The following GALNT11 variants were observed in gnomAD, a reference collection of about 807,000 sequenced individuals.
GALNT11 encodes UDP-GalNAc:polypeptide N-acetylgalactosaminyltransferase 11.
Under a neutral mutation model 72.7 loss-of-function variants are expected in GALNT11, and 47 were observed. That is an observed-to-expected ratio of 0.65 (90% CI 0.51 to 0.82). GALNT11 has a LOEUF of 0.82. Ranked by LOEUF, GALNT11 falls within the 40% of genes least tolerant of loss-of-function variation. The pLI is 0.00. For synonymous variants in GALNT11, 270 were observed against 286.6 expected (o/e 0.94, Z 0.58); for missense variants, 677 against 778.4 (o/e 0.87, Z 1.55).
At chr7:152,075,141 A>T (rs2084881349) in intron 1 of GALNT11, 1 of 152,262 alleles carries the variant, frequency 6.6e-6, no homozygotes, top group Admixed American at 6.5e-5. Flanking sequence ...CACACCGAGC[A>T]TCCAGCACCA....
intron 7 of GALNT11, 45 bp from the exon 8 acceptor site, chr7:152,113,201 A>G (rs1448607900): frequency 6.5e-7 from 1 of 1,544,626 alleles, no homozygotes; most frequent in Non-Finnish European, 8.7e-7. Flanking sequence ...TTGGTTTCAC[A>G]ACAACATGAG....
chr7:152,103,887 T>G (rs1489153498), intron 4 of GALNT11: 1 of 152,916 alleles, frequency 6.5e-6, no homozygotes, highest in Non-Finnish European at 1.5e-5. Flanking sequence ...GAGATGGGCT[T>G]TTTTCATTTG....
chr7:152,114,974 T>C (rs1022816357), intron 8 of GALNT11, among the ~76,000 whole-genome samples: 1 of 152,204 alleles, frequency 6.6e-6, no homozygotes, highest in Non-Finnish European at 1.5e-5. Context: ...AACAGAGACA[T>C]GTAGCTTGTG....
chr7:152,088,442 C>G (rs1226133170), intron 1 of GALNT11, among the ~76,000 whole-genome samples: 1 of 150,610 alleles, frequency 6.6e-6, no homozygotes, highest in Non-Finnish European at 1.5e-5. Flanking sequence ...AATATTGGAC[C>G]AACTTTGAGT....
At chr7:152,059,376 A>T (rs2083876580) in intron 1 of GALNT11, among the ~76,000 whole-genome samples, 1 of 152,024 alleles carries the variant, frequency 6.6e-6, no homozygotes. Flanking sequence ...AGTTGGGATT[A>T]CAGGCATGAG....
At chr7:152,099,846 C>G (rs1347174631) in intron 2 of GALNT11, among the ~76,000 whole-genome samples, 2 of 145,024 alleles carry the variant, frequency 1.4e-5, no homozygotes, top group Admixed American at 7.1e-5. Flanking sequence ...CTCACTGCAA[C>G]CTTGATGTCC....
chr7:152,067,531 T>A (rs2084380113), intron 1 of GALNT11, among the ~76,000 whole-genome samples: 1 of 152,236 alleles, frequency 6.6e-6, no homozygotes, highest in South Asian at 2.1e-4. Flanking sequence ...CTACGGCTAT[T>A]ACGAGCTCTT....
rs191771139 is a variant in GALNT11 at position 152,117,092 on chromosome 7, T to C, written c.1234-65T>C. 4.6e-5 allele frequency: 63 copies of C among 1,383,608 alleles called. No individual in the cohort carries two copies. In the African/African-American group the frequency reaches 7.9e-4, roughly 17 times the overall value. The allele number at this position is 1,383,608 out of a possible 1,614,324, so 85.7% of individuals were successfully genotyped here. A position where few individuals can be genotyped will look rare whatever the true frequency, so the allele number is the denominator to read the frequency against. On this transcript the variant is annotated intron_variant, in intron 8 of 11. Coordinates refer to ENST00000430044, the MANE Select transcript of GALNT11 (RefSeq NM_022087.4). ...GACTTAATCGTGTAAAAAATCTCTATATAGTTGTATCATCATTTTTAACAA... is the reference window on the plus strand; with the variant it reads ...GACTTAATCGTGTAAAAAATCTCTACATAGTTGTATCATCATTTTTAACAA...
chr7:152,030,009 T>C (rs932932703), intron 1 of GALNT11, among the ~76,000 whole-genome samples: 2 of 152,372 alleles, frequency 1.3e-5, no homozygotes, highest in South Asian at 2.1e-4. Context: ...TTATCAGTTA[T>C]AGGTTTTAAC....
intron 1 of GALNT11, among the ~76,000 whole-genome samples, chr7:152,093,631 G>T (rs1275132060): frequency 3.9e-5 from 6 of 151,936 alleles, no homozygotes; most frequent in African/African-American, 1.5e-4. Context: ...GTTTCACCAG[G>T]TTGGCCAGGC....
chr7:152,098,922 G>T (rs563839701), intron 2 of GALNT11, among the ~76,000 whole-genome samples: 1 of 152,134 alleles, frequency 6.6e-6, no homozygotes, highest in African/African-American at 2.4e-5. Flanking sequence ...CACTAGTTGC[G>T]TTCAGATAAA....
intron 9 of GALNT11, 146 bp downstream of exon 9, chr7:152,117,521 A>T (rs2088987817): frequency 5.2e-6 from 4 of 770,444 alleles, no homozygotes; most frequent in East Asian, 5.3e-5. Flanking sequence ...TATTCTCTTT[A>T]TGGGAACTTC....
At chr7:152,066,823 G>T (rs954530167) in intron 1 of GALNT11, among the ~76,000 whole-genome samples, 7 of 152,168 alleles carry the variant, frequency 4.6e-5, no homozygotes, top group Non-Finnish European at 8.8e-5. Context: ...GTGGTTCCTT[G>T]TGTCCCAAAA....
In GALNT11 at chr7:152,094,087, C is replaced by T. The variant is rs944026618; in HGVS notation, c.-38-103C>T. ...TGTATTTGAATATCCGTTAACTGTA[C>T]GCATAGTGGTCCTACTTGGTGGTTT... is the stretch of plus-strand genomic sequence containing the variant. On this transcript the variant is annotated intron_variant, in intron 1 of 11. Coordinates refer to ENST00000430044, the MANE Select transcript of GALNT11 (RefSeq NM_022087.4). This position sits in a 1 kb window ranked among gnomAD's most constrained non-coding sequence, Gnocchi z 4.3. 8.7e-5 allele frequency: 77 copies of T among 887,684 alleles called. No homozygotes were observed. Among genetic ancestry groups the T allele is most frequent in the South Asian group, 3.7e-4 (22 of 58,974 alleles). 55.0% of individuals were successfully genotyped at this position (887,684 alleles called of 1,614,324 possible). A position where few individuals can be genotyped will look rare whatever the true frequency, so the allele number is the denominator to read the frequency against.
chr7:152,057,554 G>T (rs950859349), intron 1 of GALNT11, among the ~76,000 whole-genome samples: 2 of 151,880 alleles, frequency 1.3e-5, no homozygotes, highest in African/African-American at 4.8e-5. Flanking sequence ...TGACCCACCC[G>T]CCTCAGCCTC....
intron 1 of GALNT11, among the ~76,000 whole-genome samples, chr7:152,090,045 A>C (rs191115005): frequency 5.9e-4 from 90 of 152,308 alleles, no homozygotes; most frequent in African/African-American, 2.1e-3. Flanking sequence ...CCATTATCAT[A>C]TTCTTGCTTA....
Position 152,113,282 on chromosome 7 carries a change from T to C in GALNT11, c.1117T>C (p.Cys373Arg). 1.2e-6 allele frequency: 2 copies of C among 1,613,808 alleles called. No individual in the cohort carries two copies. Among genetic ancestry groups the C allele is most frequent in the Non-Finnish European group, 1.7e-6 (2 of 1,179,846 alleles). The change falls in exon 8 of 12, where the codon TGC (cysteine) becomes CGC (arginine). Residue 373 changes from cysteine (C) to arginine (R), a missense_variant. Cys to Arg is a radical substitution (Grantham distance 180, BLOSUM62 -3). Coordinates refer to ENST00000430044, the MANE Select transcript of GALNT11 (RefSeq NM_022087.4). ...MCGGKLFIIP[C>R]SRVGHIFRKR... ...TGGCGGTAAGCTCTTCATCATCCCTTGCTCTAGAGTAGGACACATTTTCCG... is the reference window on the plus strand; with the variant it reads ...TGGCGGTAAGCTCTTCATCATCCCTCGCTCTAGAGTAGGACACATTTTCCG...
At chr7:152,120,691 A>C in intron 10 of GALNT11, 140 bp from the exon 11 acceptor site, 1 of 720,830 alleles carries the variant, frequency 1.4e-6, no homozygotes, top group Non-Finnish European at 2.3e-6. Context: ...AACCAAGTTG[A>C]AATCTGCTTC....
chr7:152,028,531 G>A (rs892186381), intron 1 of GALNT11, among the ~76,000 whole-genome samples: 2 of 151,080 alleles, frequency 1.3e-5, no homozygotes, highest in African/African-American at 4.9e-5. Context: ...TCCCCTACCC[G>A]ATTAGCTAGA....
Sources: gnomAD v4.1 joint callset for allele counts (sites outside exome capture counted in the v4.1 genomes callset) on GRCh38, gnomAD v4.1.1 for gene constraint, Gnocchi (gnomAD v3.1) non-coding constraint, MANE v1.5 for transcripts, NCBI Gene and HGNC (gene_info 2026-07-23, HGNC 2026-07-21) for gene names.